The following CORIN variants were observed in gnomAD, a reference collection of about 807,000 sequenced individuals.
CORIN encodes the protein corin, serine peptidase.
CORIN carries 117 observed loss-of-function variants against 125.3 expected under a neutral mutation model. That is an observed-to-expected ratio of 0.93 (90% CI 0.80 to 1.09). CORIN has a LOEUF of 1.09. CORIN is among the 50% of genes least tolerant of loss of function. The probability of loss-of-function intolerance (pLI) is 0.00; values close to 1 mark genes in which losing one functional copy is unlikely to be tolerated. For missense variants in CORIN, 1,253 were observed against 1,306.7 expected, an observed-to-expected ratio of 0.96 and a Z score of 0.63; for synonymous variants, 450 against 466.4, an observed-to-expected ratio of 0.96 and a Z score of 0.45.
At chr4:47,615,907 GA>G (rs1722053283) in intron 19 of CORIN, among the ~76,000 whole-genome samples, 1 of 152,086 alleles carries the variant, frequency 6.6e-6, no homozygotes, top group Non-Finnish European at 1.5e-5. Context: ...CACTTTTTTG[GA>G]AGAAGATTCT....
At chr4:47,663,224 T>A (rs902533413) in intron 11 of CORIN, among the ~76,000 whole-genome samples, 15 of 152,262 alleles carry the variant, frequency 9.9e-5, no homozygotes, top group Non-Finnish European at 2.1e-4. Flanking sequence ...GCACCTCTGA[T>A]GATACACACT....
chr4:47,734,491 C>G (rs1231047330), intron 5 of CORIN, among the ~76,000 whole-genome samples: 1 of 152,220 alleles, frequency 6.6e-6, no homozygotes, highest in African/African-American at 2.4e-5. Flanking sequence ...TGACTTCACT[C>G]TATTCCATTG....
intron 3 of CORIN, among the ~76,000 whole-genome samples, chr4:47,772,735 T>A (rs972356309): frequency 2.6e-5 from 4 of 152,028 alleles, no homozygotes; most frequent in African/African-American, 4.8e-5. Flanking sequence ...AAACAATGCT[T>A]ACACAATGTC....
At chr4:47,729,666 C>T (rs1208193434) in intron 5 of CORIN, among the ~76,000 whole-genome samples, 1 of 152,094 alleles carries the variant, frequency 6.6e-6, no homozygotes, top group Non-Finnish European at 1.5e-5. Flanking sequence ...AAAGGCCCCA[C>T]CCTTAAGCTG....
chr4:47,738,141 T>C (rs1044300075), intron 5 of CORIN, among the ~76,000 whole-genome samples: 1 of 152,248 alleles, frequency 6.6e-6, no homozygotes, highest in South Asian at 2.1e-4. Flanking sequence ...AATACATTGC[T>C]GAGAATCTAG....
intron 3 of CORIN, among the ~76,000 whole-genome samples, chr4:47,776,881 C>G (rs1237497989): frequency 6.6e-6 from 1 of 151,766 alleles, no homozygotes; most frequent in Admixed American, 6.6e-5. Flanking sequence ...CAGGATAGAC[C>G]TTTAAATTAA....
At chr4:47,683,895 G>A in intron 6 of CORIN, 57 bp from the exon 7 acceptor site, 1 of 1,301,710 alleles carries the variant, frequency 7.7e-7, no homozygotes, top group Non-Finnish European at 1.1e-6. Flanking sequence ...TGCTATTGTA[G>A]TACGATATTT....
chr4:47,732,864 G>A (rs1727946384), intron 5 of CORIN, among the ~76,000 whole-genome samples: 1 of 152,026 alleles, frequency 6.6e-6, no homozygotes, highest in South Asian at 2.1e-4. Flanking sequence ...CGCCTGGCCA[G>A]TAATCTACTC....
intron 16 of CORIN, among the ~76,000 whole-genome samples, chr4:47,633,773 A>G (rs980504016): frequency 3.3e-5 from 5 of 152,328 alleles, no homozygotes; most frequent in Non-Finnish European, 7.4e-5. Context: ...TTTCAATTTC[A>G]ACATGACTTT....
intron 5 of CORIN, among the ~76,000 whole-genome samples, chr4:47,711,833 GGTTCTTC>G (rs1163295566): frequency 6.6e-6 from 1 of 152,084 alleles, no homozygotes; most frequent in African/African-American, 2.4e-5. Context: ...AAGGTGGGTG[GGTTCTTC>G]ACATCACAAT....
At chr4:47,715,810 T>A (rs1727063919) in intron 5 of CORIN, among the ~76,000 whole-genome samples, 1 of 152,162 alleles carries the variant, frequency 6.6e-6, no homozygotes, top group South Asian at 2.1e-4. Context: ...TGAGGATGAA[T>A]GTGAAGAAAT....
chr4:47,652,065 T>C (rs181311373), intron 13 of CORIN, among the ~76,000 whole-genome samples: 34 of 152,346 alleles, frequency 2.2e-4, no homozygotes, highest in Non-Finnish European at 4.3e-4. Context: ...ATCAAAGTCA[T>C]AGTTCAGTGA....
chr4:47,773,392 T>G (rs74485489), intron 3 of CORIN, among the ~76,000 whole-genome samples: 155 of 152,336 alleles, frequency 1.0e-3, no homozygotes, highest in Non-Finnish European at 1.3e-3. Context: ...GGGAATCTCA[T>G]TTAGTAATAG....
intron 17 of CORIN, among the ~76,000 whole-genome samples, chr4:47,625,350 A>G (rs1458003760): frequency 6.6e-6 from 1 of 152,158 alleles, no homozygotes; most frequent in Non-Finnish European, 1.5e-5. Context: ...TGGAAATTGC[A>G]GTTATATAAG....
At position 47,778,534 on chromosome 4, in the gene CORIN, GA is replaced by G. The variant is rs560143612; in HGVS notation, c.409+8190del. Among the ~76,000 whole-genome samples, 8 of 152,248 alleles carry G rather than the reference GA, an allele frequency of 5.3e-5. No individual in the cohort carries two copies. The South Asian group carries it at 1.7e-3, about 32-fold the overall frequency. On this transcript the variant is annotated intron_variant, in intron 3 of 21. Coordinates refer to ENST00000273857, the MANE Select transcript of CORIN (RefSeq NM_006587.4). ...TGAGGAGGAAGGGAAGGAAATCAGGGAAAAGAGAAGAAGAGAATCCATTCTT... is the reference window on the plus strand; with the variant it reads ...TGAGGAGGAAGGGAAGGAAATCAGGGAAAGAGAAGAAGAGAATCCATTCTT...
At chr4:47,687,417 G>A (rs1004579561) in intron 6 of CORIN, among the ~76,000 whole-genome samples, 1 of 152,134 alleles carries the variant, frequency 6.6e-6, no homozygotes, top group Non-Finnish European at 1.5e-5. Context: ...TCAATAACAA[G>A]CATAATTTTG....
intron 10 of CORIN, among the ~76,000 whole-genome samples, chr4:47,673,246 T>C (rs1306516223): frequency 3.3e-5 from 5 of 151,638 alleles, no homozygotes; most frequent in African/African-American, 1.2e-4. Context: ...TGTGGTGGTG[T>C]GTGCCTATAA....
rs1731489127 is a variant in CORIN, at chr4:47,800,427, C to T, written c.208+6476G>A. Among the ~76,000 whole-genome samples, 5 of 152,220 alleles carry T rather than the reference C, an allele frequency of 3.3e-5. No homozygotes were observed. In the South Asian group the frequency reaches 1.0e-3, roughly 32 times the overall value. On this transcript the variant is annotated intron_variant, in intron 2 of 21. Coordinates refer to ENST00000273857, the MANE Select transcript of CORIN (RefSeq NM_006587.4). ...GACCCTGAGAATGAAAGGAAGTGTT[C>T]CTCAAAGCATGTGAGCCAATGAACA...
chr4:47,603,499 C>CA lies in CORIN; in HGVS notation c.2709dup (p.Glu904Ter). 2 of 1,614,182 alleles carry CA rather than the reference C, an allele frequency of 1.2e-6. No homozygotes were observed. Among genetic ancestry groups the CA allele is most frequent in the Non-Finnish European group, 1.7e-6 (2 of 1,180,034 alleles). ...CAGACAGGCCGGACGTAGCCAGTCT[C>CA]ACTGATGTCTTCACTCAGCTCAACG... On this transcript the variant is annotated frameshift_variant, in exon 20 of 22. Transcript: ENST00000273857. LOFTEE classifies it high-confidence loss of function.
Sources: allele counts gnomAD v4.1 joint callset (sites outside exome capture counted in the v4.1 genomes callset), GRCh38; gene constraint gnomAD v4.1.1; transcripts MANE v1.5; gene names NCBI Gene and HGNC (gene_info 2026-07-23, HGNC 2026-07-21).